FRAS1: variants seen among roughly 807,000 people sequenced by gnomAD.
FRAS1 encodes Fraser extracellular matrix complex subunit 1, also known as extracellular matrix organizing protein FRAS1.
In FRAS1, 290 loss-of-function variants were observed where a neutral mutation model predicts 435.2. The observed-to-expected ratio is 0.67, with a 90% CI of 0.61 to 0.73. The LOEUF is 0.73. FRAS1 is among the 30% of genes least tolerant of loss of function. The pLI, the probability that FRAS1 is intolerant of heterozygous loss-of-function variation, is 0.00. For missense variants in FRAS1, 4,860 were observed against 5,001.5 expected (o/e 0.97, Z 0.85); for synonymous variants, 1,800 against 1,851.0 (o/e 0.97, Z 0.71).
intron 9 of FRAS1, among the ~76,000 whole-genome samples, chr4:78,274,660 T>C (rs1726901713): frequency 6.6e-6 from 1 of 152,260 alleles, no homozygotes; most frequent in Non-Finnish European, 1.5e-5. Context: ...TCTAGTTTGA[T>C]TGCACTGTGG....
intron 18 of FRAS1, among the ~76,000 whole-genome samples, chr4:78,326,576 A>G (rs1411535139): frequency 6.6e-6 from 1 of 152,192 alleles, no homozygotes; most frequent in Non-Finnish European, 1.5e-5. Flanking sequence ...AATATGAGAT[A>G]CTTTTGAAAC....
At chr4:78,346,246 A>G (rs943784413) in intron 20 of FRAS1, among the ~76,000 whole-genome samples, 1 of 152,218 alleles carries the variant, frequency 6.6e-6, no homozygotes, top group African/African-American at 2.4e-5. Flanking sequence ...GTTGATTCTG[A>G]TTGGGCCCAC....
At chr4:78,147,746 G>A (rs1398044250) in intron 2 of FRAS1, among the ~76,000 whole-genome samples, 5 of 152,094 alleles carry the variant, frequency 3.3e-5, no homozygotes, top group African/African-American at 7.2e-5. Flanking sequence ...TAATGTGAGC[G>A]AGCAACTCTT....
chr4:78,213,877 C>G (rs1176264206), intron 2 of FRAS1, among the ~76,000 whole-genome samples: 2 of 152,188 alleles, frequency 1.3e-5, no homozygotes, highest in South Asian at 4.1e-4. Context: ...AAGTTAGTCA[C>G]CTACAAGTAG....
chr4:78,272,449 G>A (rs1560618034), intron 9 of FRAS1, among the ~76,000 whole-genome samples: 5 of 152,066 alleles, frequency 3.3e-5, no homozygotes, highest in Admixed American at 1.3e-4. Flanking sequence ...TTTTAGGTCT[G>A]CCATTTAAGT....
At chr4:78,211,900 C>G (rs1354308517) in intron 2 of FRAS1, among the ~76,000 whole-genome samples, 3 of 152,168 alleles carry the variant, frequency 2.0e-5, no homozygotes, top group Non-Finnish European at 4.4e-5. Flanking sequence ...TACTTTCTCT[C>G]TCTCAAAGTT....
At chr4:78,181,320 T>G (rs1205082454) in intron 2 of FRAS1, 7 of 1,609,490 alleles carry the variant, frequency 4.3e-6, no homozygotes, top group Non-Finnish European at 5.9e-6. Context: ...CCTTCAGGTG[T>G]TTCGTCAGTC....
intron 2 of FRAS1, chr4:78,181,752 C>T (rs1369728688): frequency 3.7e-6 from 6 of 1,610,090 alleles, no homozygotes; most frequent in East Asian, 4.5e-5. Flanking sequence ...TTAAGCGCCA[C>T]GGGCGGCTGC....
At position 78,464,460 on chromosome 4, in the gene FRAS1, T is replaced by A; in HGVS notation, c.6906T>A (p.His2302Gln). Reference sequence around the variant, plus strand: ...CATTCTAGGTGACTCAGACTTTCCATATCACTCTTCACCCTGTCGATGATT... The same window carrying A: ...CATTCTAGGTGACTCAGACTTTCCAAATCACTCTTCACCCTGTCGATGATT... The part of the protein sequence containing the change: ...DGVSEVTQTF[H>Q]ITLHPVDDSL... Residue 2302 changes from histidine to glutamine, a missense_variant, in exon 49 of 74, where the codon CAT becomes CAA. By Grantham distance (24) the His-to-Gln change is conservative. Coordinates refer to ENST00000512123, the MANE Select transcript of FRAS1 (RefSeq NM_025074.7). 6.2e-7 allele frequency: 1 copy of A among 1,614,032 alleles called. No homozygotes were observed. The highest frequency in any genetic ancestry group is 2.2e-5 in the East Asian group (1 of 44,886).
Position 78,438,912 on chromosome 4 carries a change from G to C in FRAS1, c.5377G>C (p.Val1793Leu), listed in dbSNP as rs2109823282. Residue 1793 changes from valine to leucine, a missense_variant, in exon 40 of 74, where the codon GTG becomes CTG. Coordinates refer to ENST00000512123, the MANE Select transcript of FRAS1 (RefSeq NM_025074.7). ...TTTGTTTTTTTATAGATACTCAGCTGTGTTTGAAACTGATGGTCATCTGGT... is the reference window on the plus strand; with the variant it reads ...TTTGTTTTTTTATAGATACTCAGCTCTGTTTGAAACTGATGGTCATCTGGT... ...INNKKIRYSA[V>L]FETDGHLVTD... 1.2e-6 allele frequency: 2 copies of C among 1,605,984 alleles called. No individual in the cohort carries two copies. Among genetic ancestry groups the C allele is most frequent in the Admixed American group, 1.7e-5 (1 of 57,886 alleles).
chr4:78,469,194 T>A (rs17003269), intron 50 of FRAS1, among the ~76,000 whole-genome samples: 3,535 of 152,312 alleles, frequency 0.023, 154 homozygotes, highest in African/African-American at 0.079. Flanking sequence ...GGAGGGACGA[T>A]GTCATTTAAA....
chr4:78,221,947 G>A (rs897399370), intron 2 of FRAS1, among the ~76,000 whole-genome samples: 6 of 152,230 alleles, frequency 3.9e-5, no homozygotes, highest in African/African-American at 9.6e-5. Flanking sequence ...TTCCTCAACC[G>A]TACTGGAAGT....
chr4:78,440,197 AT>A, intron 40 of FRAS1, among the ~76,000 whole-genome samples: 2 of 150,434 alleles, frequency 1.3e-5, no homozygotes, highest in East Asian at 3.9e-4. Context: ...CGCCCGGCTA[AT>A]TTTTTTTGTA....
intron 61 of FRAS1, among the ~76,000 whole-genome samples, chr4:78,506,360 G>A (rs1720841354): frequency 6.6e-6 from 1 of 152,232 alleles, no homozygotes; most frequent in Non-Finnish European, 1.5e-5. Context: ...CACAGAGGTG[G>A]AGTCTATAGA....
chr4:78,484,766 T>A (rs1720118486), intron 58 of FRAS1, among the ~76,000 whole-genome samples: 1 of 152,156 alleles, frequency 6.6e-6, no homozygotes, highest in South Asian at 2.1e-4. Flanking sequence ...TTCTATTTAG[T>A]GGATAAGGAA....
Position 78,333,350 on chromosome 4 carries a change from TG to T in FRAS1, c.2218del (p.Asp740MetfsTer230). The T allele has an allele frequency of 6.2e-7, 1 of 1,612,534 alleles. No homozygotes were observed. Among genetic ancestry groups the T allele is most frequent in the Non-Finnish European group, 8.5e-7 (1 of 1,179,354 alleles). On this transcript the variant is annotated frameshift_variant, in exon 19 of 74. Coordinates refer to ENST00000512123, the MANE Select transcript of FRAS1 (RefSeq NM_025074.7). LOFTEE classifies it high-confidence loss of function. ...GACTGTGGGCCTTCCCATGTGCTGT[TG>T]GATGGGCAGTGCCTCTCCCAGTGCC... ...CTDCGPSHVL[L>X]DGQCLSQCPD... is the part of the protein sequence containing the mutation.
chr4:78,479,377 A>T lies in FRAS1; in HGVS notation c.8102A>T (p.Asp2701Val). 1 of 1,469,898 alleles carries T rather than the reference A, an allele frequency of 6.8e-7. No individual in the cohort carries two copies. The highest frequency in any genetic ancestry group is 1.6e-5 in the South Asian group (1 of 63,304). 91.1% of individuals were successfully genotyped at this position (1,469,898 alleles called of 1,614,324 possible). Reference protein sequence around the residue: ...FLFAPIERKGDASSIVSAICY... With the variant: ...FLFAPIERKGVASSIVSAICY... The stretch of plus-strand genomic sequence containing the variant: ...TTTTTTGCCATTTGTATTTCAGGAG[A>T]TGCAAGCAGCATTGTATCTGCAATT... The change falls in exon 56 of 74, where the codon GAT becomes GTT. Residue 2701 changes from aspartate to valine, a missense_variant. Transcript: ENST00000512123.
intron 2 of FRAS1, among the ~76,000 whole-genome samples, chr4:78,195,958 T>G (rs1347713568): frequency 6.6e-6 from 1 of 151,904 alleles, no homozygotes; most frequent in Non-Finnish European, 1.5e-5. Flanking sequence ...TTTTTTTTTT[T>G]TTTTACTTTT....
At chr4:78,416,545 C>G (rs528465511) in intron 32 of FRAS1, among the ~76,000 whole-genome samples, 7 of 151,494 alleles carry the variant, frequency 4.6e-5, no homozygotes, top group African/African-American at 1.7e-4. Flanking sequence ...TATAGAGGTA[C>G]CATTCCTCAA....
Sources: allele counts gnomAD v4.1 joint callset (sites outside exome capture counted in the v4.1 genomes callset), GRCh38; gene constraint gnomAD v4.1.1; transcripts MANE v1.5; gene names NCBI Gene and HGNC (gene_info 2026-07-23, HGNC 2026-07-21).